Variants in TJP1 observed in about 807,000 individuals in gnomAD.
TJP1 encodes tight junction protein 1, also known as tight junction protein ZO-1.
A neutral mutation model predicts 194.2 loss-of-function variants in TJP1; 43 were observed. That is an observed-to-expected ratio of 0.22 (90% CI 0.17 to 0.29). The LOEUF (loss-of-function observed/expected upper bound fraction) is 0.29, where lower values mean the gene tolerates loss of function less well. Ranked by LOEUF, TJP1 falls within the 10% of genes least tolerant of loss-of-function variation. The probability of loss-of-function intolerance (pLI) is 1.00; values close to 1 mark genes in which losing one functional copy is unlikely to be tolerated. For synonymous variants in TJP1, 801 were observed against 779.0 expected (o/e 1.03, Z -0.47); for missense variants, 1,971 against 2,185.7 (o/e 0.90, Z 1.96).
intron 4 of TJP1, among the ~76,000 whole-genome samples, chr15:29,770,747 C>T (rs571695581): frequency 8.9e-4 from 134 of 150,708 alleles, no homozygotes; most frequent in Middle Eastern, 3.4e-3. Context: ...AGCTGTACAA[C>T]GTGTTTGTTA....
chr15:29,901,571 C>G (rs970630262), intron 2 of TJP1, among the ~76,000 whole-genome samples: 3 of 152,138 alleles, frequency 2.0e-5, no homozygotes, highest in African/African-American at 7.2e-5. Context: ...CCTGTAATCC[C>G]AACACTTTGT....
At chr15:29,862,930 G>A (rs989438501) in intron 2 of TJP1, among the ~76,000 whole-genome samples, 1 of 151,508 alleles carries the variant, frequency 6.6e-6, no homozygotes, top group African/African-American at 2.4e-5. Flanking sequence ...TTACAGGCGT[G>A]AGCCACCGTG....
intron 2 of TJP1, among the ~76,000 whole-genome samples, chr15:29,888,664 AG>A (rs1480292109): frequency 4.6e-5 from 7 of 152,216 alleles, no homozygotes; most frequent in African/African-American, 1.7e-4. Flanking sequence ...TCTGGATAAA[AG>A]TTCTTTATTG....
At chr15:29,816,162 G>A (rs1443427283) in intron 1 of TJP1, among the ~76,000 whole-genome samples, 1 of 151,994 alleles carries the variant, frequency 6.6e-6, no homozygotes, top group East Asian at 1.9e-4. Context: ...CAAGTAGCTG[G>A]GATTTTAGGC....
In TJP1 at chr15:29,884,685, T is replaced by C. The variant is rs151130075; in HGVS notation, c.306+71547A>G. Among the ~76,000 whole-genome samples, 357 of 152,348 alleles carry C rather than the reference T, an allele frequency of 2.3e-3. 2 individuals are homozygous for C. The highest frequency in any genetic ancestry group is 8.1e-3 in the African/African-American group (335 of 41,584). On this transcript the variant is annotated intron_variant, in intron 2 of 28. Transcript: ENST00000356107. ...CATTCTTTTATTCCACAAACCTTCA[T>C]TGAATGCCTGCACTACCTAAGGCAT... is the stretch of plus-strand genomic sequence containing the variant.
chr15:29,811,542 C>T (rs2049511729), intron 1 of TJP1, among the ~76,000 whole-genome samples: 1 of 152,148 alleles, frequency 6.6e-6, no homozygotes, highest in Non-Finnish European at 1.5e-5. Context: ...TGCTAATCAA[C>T]CATTCACCAT....
Position 29,708,539 on chromosome 15 carries a change from A to G in TJP1, c.4850+20T>C, listed in dbSNP as rs1222142615. 6.4e-7 allele frequency: 1 copy of G among 1,572,062 alleles called. No homozygotes were observed. The highest frequency in any genetic ancestry group is 8.7e-7 in the Non-Finnish European group (1 of 1,145,550). ...GAAAAATCACAGGGCCAATGCTTTG[A>G]GCAAAGGCATAAGTCTTACCTCACA... On this transcript the variant is annotated intron_variant, in intron 25 of 27. Transcript: ENST00000614355.
At chr15:29,916,929 TAC>T (rs1465774137) in intron 2 of TJP1, among the ~76,000 whole-genome samples, 2 of 152,184 alleles carry the variant, frequency 1.3e-5, no homozygotes, top group Non-Finnish European at 2.9e-5. Flanking sequence ...CACCTGCCAA[TAC>T]ACACACATGC....
intron 2 of TJP1, among the ~76,000 whole-genome samples, chr15:29,786,135 T>C (rs954655708): frequency 6.6e-6 from 1 of 152,238 alleles, no homozygotes; most frequent in Non-Finnish European, 1.5e-5. Flanking sequence ...TTCAATCTTC[T>C]ATGACTGTCA....
In TJP1 at chr15:29,700,922, T is replaced by C. The variant is rs568971820; in HGVS notation, c.*673A>G. On this transcript the variant is annotated 3_prime_UTR_variant, in exon 28 of 28. Coordinates refer to ENST00000614355, the MANE Select transcript of TJP1 (RefSeq NM_001330239.4). ...GAGAATGAGCTAAGAATTAAGAACA[T>C]GAGGGTAAGGCATTTCTGCTGGTTA... 5 of 153,472 alleles carry C rather than the reference T, an allele frequency of 3.3e-5. No individual in the cohort carries two copies. The highest frequency in any genetic ancestry group is 7.3e-5 in the Non-Finnish European group (5 of 68,616). The allele number at this position is 153,472 out of a possible 1,614,324, so 9.5% of individuals were successfully genotyped here.
chr15:29,831,290 T>TA (rs1288171548), intron 2 of TJP1, among the ~76,000 whole-genome samples: 1 of 152,222 alleles, frequency 6.6e-6, no homozygotes. Flanking sequence ...AATGAAATAA[T>TA]AGATTCAGGC....
chr15:29,699,943 CCTT>C (rs1347194819), downstream of TJP1: 3 of 234,238 alleles, frequency 1.3e-5, no homozygotes, highest in African/African-American at 2.2e-5. Context: ...GTCTCCAGGT[CCTT>C]CTGCCCCACT....
At chr15:29,770,198 G>A (rs775927759) in intron 4 of TJP1, among the ~76,000 whole-genome samples, 1 of 152,152 alleles carries the variant, frequency 6.6e-6, no homozygotes, top group Non-Finnish European at 1.5e-5. Context: ...TGTAATCCCA[G>A]AACTTTGGGA....
At chr15:29,793,107 C>T (rs2048195787) in intron 2 of TJP1, among the ~76,000 whole-genome samples, 2 of 152,144 alleles carry the variant, frequency 1.3e-5, no homozygotes, top group Non-Finnish European at 2.9e-5. Flanking sequence ...CTTTTCTTCT[C>T]CTGTTTAATT....
rs1338357507 is a variant in TJP1, at chr15:29,701,130, G to A, written c.*465C>T. 1 of 155,402 alleles carries A rather than the reference G, an allele frequency of 6.4e-6. No homozygotes were observed. The highest frequency in any genetic ancestry group is 1.4e-5 in the Non-Finnish European group (1 of 69,822). 9.6% of individuals were successfully genotyped at this position (155,402 alleles called of 1,614,324 possible). A position where few individuals can be genotyped will look rare whatever the true frequency, so the allele number is the denominator to read the frequency against. Reference sequence around the variant, plus strand: ...CATTTCTGTTAAATCCACAACACTGGTTATATATTCCAGGTGCATTTAAAA... The same window carrying A: ...CATTTCTGTTAAATCCACAACACTGATTATATATTCCAGGTGCATTTAAAA... On this transcript the variant is annotated 3_prime_UTR_variant, in exon 28 of 28. Transcript: ENST00000614355.
At chr15:29,716,931 C>A (rs2042606020) in intron 22 of TJP1, 93 bp from the exon 23 acceptor site, 1 of 1,070,962 alleles carries the variant, frequency 9.3e-7, no homozygotes, top group African/African-American at 1.6e-5. Flanking sequence ...ACTAAAAGGT[C>A]AATAATTACT....
At chr15:29,753,074 T>A (rs2045393932) in intron 8 of TJP1, among the ~76,000 whole-genome samples, 4 of 152,230 alleles carry the variant, frequency 2.6e-5, no homozygotes, top group Admixed American at 2.0e-4. Context: ...ACTACCCTGA[T>A]TCTCTTTATA....
At chr15:29,732,221 AGAGTTTCCTAAACGGT>A in intron 15 of TJP1, 196 bp downstream of exon 15, 1 of 566,500 alleles carries the variant, frequency 1.8e-6, no homozygotes. Context: ...TATGAAGCCA[AGAGTTTCCTAAACGGT>A]GACTTTTCTC....
intron 1 of TJP1, among the ~76,000 whole-genome samples, chr15:29,967,674 G>A (rs569506339): frequency 2.6e-5 from 4 of 152,140 alleles, no homozygotes; most frequent in Middle Eastern, 3.4e-3. Flanking sequence ...GGCTGATCAC[G>A]CTATATACTT....
Sources: gnomAD v4.1 joint callset for allele counts (sites outside exome capture counted in the v4.1 genomes callset) on GRCh38, gnomAD v4.1.1 for gene constraint, MANE v1.5 for transcripts, NCBI Gene and HGNC (gene_info 2026-07-23, HGNC 2026-07-21) for gene names.